The following COL22A1 variants were observed in gnomAD, a reference collection of about 807,000 sequenced individuals.
COL22A1 encodes the protein collagen type XXII alpha 1 chain.
In COL22A1, 221 loss-of-function variants were observed where a neutral mutation model predicts 248.9. The ratio of observed to expected loss-of-function variants is 0.89; its 90% CI spans 0.80 to 0.99. COL22A1 has a LOEUF of 0.99. Among genes scored for constraint, COL22A1 ranks in the 50% least tolerant of loss-of-function variants. The pLI is 0.00. For synonymous variants in COL22A1, 891 were observed against 793.4 expected (o/e 1.12, Z -2.07); for missense variants, 2,240 against 2,179.0 (o/e 1.03, Z -0.56).
At chr8:138,797,931 G>T (rs551248829) in intron 11 of COL22A1, among the ~76,000 whole-genome samples, 12 of 151,260 alleles carry the variant, frequency 7.9e-5, no homozygotes, top group African/African-American at 2.7e-4. Context: ...GATTTTTTTG[G>T]TTTAAAGTCT....
intron 3 of COL22A1, among the ~76,000 whole-genome samples, chr8:138,854,888 A>T (rs953864590): frequency 6.6e-6 from 1 of 151,218 alleles, no homozygotes; most frequent in African/African-American, 2.4e-5. Context: ...AGTGGTAGCA[A>T]TGGTGGTGAT....
chr8:138,782,312 G>A (rs183911013), intron 12 of COL22A1, among the ~76,000 whole-genome samples: 72 of 152,214 alleles, frequency 4.7e-4, no homozygotes, highest in African/African-American at 1.5e-3. Flanking sequence ...TGACCTCCTC[G>A]GCTCAAGCAA....
chr8:138,783,091 C>A (rs1037169663), intron 12 of COL22A1, among the ~76,000 whole-genome samples: 22 of 152,028 alleles, frequency 1.4e-4, no homozygotes, highest in Non-Finnish European at 3.1e-4. Context: ...TGGGGACTGG[C>A]AGAGGGGATG....
intron 22 of COL22A1, among the ~76,000 whole-genome samples, chr8:138,737,969 G>A (rs1831251149): frequency 1.3e-5 from 2 of 151,990 alleles, no homozygotes; most frequent in Admixed American, 1.3e-4. Flanking sequence ...GCATTGGTAA[G>A]CCTTACACAC....
chr8:138,610,690 G>A (rs77527399), intron 56 of COL22A1, among the ~76,000 whole-genome samples: 185 of 152,274 alleles, frequency 1.2e-3, no homozygotes, highest in African/African-American at 3.9e-3. Context: ...CATGTGGTAC[G>A]TGAAGCCCTG....
chr8:138,794,163 G>A (rs2131594082), intron 12 of COL22A1, among the ~76,000 whole-genome samples: 1 of 152,234 alleles, frequency 6.6e-6, no homozygotes, highest in South Asian at 2.1e-4. Flanking sequence ...GAGGCAGGCG[G>A]ATCACCTGAG....
chr8:138,673,965 C>A (rs1825276351), intron 41 of COL22A1, among the ~76,000 whole-genome samples: 1 of 152,188 alleles, frequency 6.6e-6, no homozygotes, highest in Admixed American at 6.5e-5. Context: ...AACTCTGCAA[C>A]AACGCCATGC....
intron 37 of COL22A1, among the ~76,000 whole-genome samples, chr8:138,687,819 G>A (rs1399591909): frequency 7.2e-5 from 11 of 152,200 alleles, no homozygotes; most frequent in Admixed American, 4.6e-4. Flanking sequence ...AGGGAGGATC[G>A]TTCTTATAAG....
chr8:138,616,354 C>T (rs1819320322), intron 54 of COL22A1, among the ~76,000 whole-genome samples: 1 of 152,198 alleles, frequency 6.6e-6, no homozygotes, highest in South Asian at 2.1e-4. Flanking sequence ...TCCTTATCTG[C>T]TCATCCACTT....
chr8:138,606,737 T>C (rs28458209), intron 57 of COL22A1, among the ~76,000 whole-genome samples: 34,203 of 152,034 alleles, frequency 0.22, 4,363 homozygotes, highest in African/African-American at 0.35. Flanking sequence ...ACAAAGACCC[T>C]GAGATGTGTG....
chr8:138,770,318 C>T (rs1834256419), intron 16 of COL22A1, among the ~76,000 whole-genome samples: 1 of 152,218 alleles, frequency 6.6e-6, no homozygotes, highest in Non-Finnish European at 1.5e-5. Context: ...CTCTCTGTGC[C>T]TGGCTGGATT....
chr8:138,589,402 G>T lies in COL22A1; in HGVS notation c.4732C>A (p.Pro1578Thr). ...GEPGYAKDGL[P>T]GIPGPQGETG... Reference sequence around the variant, plus strand: ...TCCCCTTGAGGGCCAGGGATCCCAGGAAGTCCATCTTTAGCATAGCCAGGT... The same window carrying T: ...TCCCCTTGAGGGCCAGGGATCCCAGTAAGTCCATCTTTAGCATAGCCAGGT... Residue 1578 changes from proline (P) to threonine (T), a missense_variant, in exon 65 of 65, where the codon CCT becomes ACT. Physicochemically the swap from Pro to Thr is conservative, Grantham distance 38. Transcript: ENST00000303045. 6.3e-7 allele frequency: 1 copy of T among 1,591,572 alleles called. No individual in the cohort carries two copies. Among genetic ancestry groups the T allele is most frequent in the Non-Finnish European group, 8.5e-7 (1 of 1,169,690 alleles).
chr8:138,689,033 G>T, intron 36 of COL22A1, 63 bp from the exon 37 acceptor site: 2 of 1,350,772 alleles, frequency 1.5e-6, no homozygotes, highest in African/African-American at 1.4e-5. Context: ...TTGGTGGCTC[G>T]TGACCCCCAG....
At chr8:138,636,532 A>AAAGGCAAGGC (rs770478860) in intron 48 of COL22A1, among the ~76,000 whole-genome samples, 12,127 of 82,406 alleles carry the variant, frequency 0.15, 2,309 homozygotes, top group Non-Finnish European at 0.22. Flanking sequence ...AAAGGAAAGG[A>AAAGGCAAGGC]AAGGCAGGGA....
At chr8:138,591,907 T>G (rs192281807) in intron 63 of COL22A1, among the ~76,000 whole-genome samples, 66 of 152,254 alleles carry the variant, frequency 4.3e-4, no homozygotes, top group Admixed American at 1.4e-3. Context: ...ACCTACACAC[T>G]CTCTCATATG....
chr8:138,786,146 CT>C (rs1274435378), intron 12 of COL22A1, among the ~76,000 whole-genome samples: 2 of 152,188 alleles, frequency 1.3e-5, no homozygotes, highest in East Asian at 3.9e-4. Flanking sequence ...CAGAATTGGT[CT>C]TCCCAAGGAC....
intron 10 of COL22A1, among the ~76,000 whole-genome samples, chr8:138,806,035 TGTGTGATGGTGTAG>T (rs1180592868): frequency 1.9e-4 from 22 of 115,202 alleles, no homozygotes; most frequent in East Asian, 2.5e-4. Context: ...TGTGGTTGTG[TGTGTGATGGTGTAG>T]GTAATGGTGT....
intron 9 of COL22A1, among the ~76,000 whole-genome samples, chr8:138,809,558 T>C (rs1469776988): frequency 2.4e-5 from 3 of 124,558 alleles, no homozygotes; most frequent in African/African-American, 9.2e-5. Context: ...TCTCACTCTA[T>C]TGCCCAGGCT....
In COL22A1 at chr8:138,630,598, G is replaced by C. The variant is rs563988824; in HGVS notation, c.3663+97C>G. ...GAACCTCAAAAATATGTGAGCCACA[G>C]GAGGCACACAGGACAAGAGCAGAAT... On this transcript the variant is annotated intron_variant, in intron 50 of 64. Coordinates refer to ENST00000303045, the MANE Select transcript of COL22A1 (RefSeq NM_152888.3). 22 of 980,018 alleles carry C rather than the reference G, an allele frequency of 2.2e-5. No individual in the cohort carries two copies. The African/African-American group carries it at 3.5e-4, about 16-fold the overall frequency. 60.7% of individuals were successfully genotyped at this position (980,018 alleles called of 1,614,324 possible).
Sources: allele counts gnomAD v4.1 joint callset (sites outside exome capture counted in the v4.1 genomes callset), GRCh38; gene constraint gnomAD v4.1.1; transcripts MANE v1.5; gene names NCBI Gene and HGNC (gene_info 2026-07-23, HGNC 2026-07-21).